Variants in EYA4 observed in about 807,000 individuals in gnomAD.
EYA4 encodes protein phosphatase EYA4.
In EYA4, 31 loss-of-function variants were observed where a neutral mutation model predicts 87.9. The observed-to-expected ratio is 0.35, with a 90% CI of 0.27 to 0.48. The LOEUF is 0.48. EYA4 is among the 20% of genes least tolerant of loss of function. EYA4 has a pLI of 0.99. For synonymous variants in EYA4, 263 were observed against 270.6 expected (o/e 0.97, Z 0.28); for missense variants, 678 against 761.4 (o/e 0.89, Z 1.29).
At chr6:133,311,583 TGC>T in intron 2 of EYA4, among the ~76,000 whole-genome samples, 1 of 152,254 alleles carries the variant, frequency 6.6e-6, no homozygotes, top group East Asian at 1.9e-4. Context: ...CCTCCCAAAA[TGC>T]TGAGATTACA....
chr6:133,406,588 G>A (rs1788730122), intron 3 of EYA4, among the ~76,000 whole-genome samples: 10 of 152,158 alleles, frequency 6.6e-5, no homozygotes, highest in Admixed American at 5.9e-4. Context: ...TTGTCATGAT[G>A]TTCAGTGCCT....
intron 3 of EYA4, among the ~76,000 whole-genome samples, chr6:133,403,683 G>A (rs528470751): frequency 3.3e-5 from 5 of 152,180 alleles, no homozygotes; most frequent in South Asian, 4.1e-4. Context: ...ACTCAAATCT[G>A]GATAAATCAT....
intron 2 of EYA4, among the ~76,000 whole-genome samples, chr6:133,324,876 A>G (rs995665675): frequency 3.3e-5 from 5 of 151,424 alleles, no homozygotes; most frequent in African/African-American, 1.2e-4. Context: ...GTTTTTCTTG[A>G]AAATTTATGG....
chr6:133,481,512 T>A lies in EYA4; in HGVS notation c.1020T>A (p.Asp340Glu), dbSNP rs769871791. ...CCTCCACACCCATCAAAGATCTTGA[T>A]GAGAGAACCTGTAGGAGTTCTGGGT... ...QSPSTPIKDL[D>E]ERTCRSSGSK... is the part of the protein sequence containing the mutation. Residue 340 changes from aspartate to glutamate, a missense_variant, in exon 12 of 20, where the codon GAT (aspartate) becomes GAA (glutamate). Coordinates refer to ENST00000355286, the MANE Select transcript of EYA4 (RefSeq NM_004100.5). 4 of 1,613,306 alleles carry A rather than the reference T, an allele frequency of 2.5e-6. No homozygotes were observed. In the Admixed American group the frequency reaches 5.0e-5, roughly 20 times the overall value.
chr6:133,483,723 TTATTA>T (rs1411485276), intron 13 of EYA4, among the ~76,000 whole-genome samples: 1 of 70,784 alleles, frequency 1.4e-5, no homozygotes, highest in Non-Finnish European at 4.7e-5. Context: ...ATTATTATTA[TTATTA>T]TTATTATTAT....
chr6:133,362,649 G>A (rs1245906795), intron 2 of EYA4, among the ~76,000 whole-genome samples: 3 of 152,142 alleles, frequency 2.0e-5, no homozygotes, highest in African/African-American at 7.2e-5. Context: ...CTAAGTCTAG[G>A]GGTTCCCAGA....
chr6:133,503,788 C>A (rs1798346052), intron 13 of EYA4, among the ~76,000 whole-genome samples: 1 of 151,622 alleles, frequency 6.6e-6, no homozygotes. Context: ...ATTTACACAA[C>A]CTTTAGAGAT....
rs766872116 is a variant in EYA4 at position 133,483,048 on chromosome 6, A to T, written c.1124A>T (p.Asp375Val). Residue 375 changes from aspartate (D) to valine (V), a missense_variant, in exon 13 of 20, where the codon GAT becomes GTT. By Grantham distance (152) the Asp-to-Val change is radical. Coordinates refer to ENST00000355286, the MANE Select transcript of EYA4 (RefSeq NM_004100.5). Reference sequence around the variant, plus strand: ...TGTCTTCAGCGTGTGTTTGTCTGGGATTTGGATGAAACCATCATTGTTTTT... The same window carrying T: ...TGTCTTCAGCGTGTGTTTGTCTGGGTTTTGGATGAAACCATCATTGTTTTT... ...DSDLERVFVW[D>V]LDETIIVFHS... The T allele has an allele frequency of 6.2e-7, 1 of 1,613,116 alleles. No homozygotes were observed. The highest frequency in any genetic ancestry group is 8.5e-7 in the Non-Finnish European group (1 of 1,179,508).
intron 17 of EYA4, among the ~76,000 whole-genome samples, chr6:133,522,217 C>T (rs1216758828): frequency 7.2e-6 from 1 of 139,138 alleles, no homozygotes; most frequent in African/African-American, 2.6e-5. Context: ...TACATGTGCA[C>T]AACGTGCAGG....
intron 2 of EYA4, among the ~76,000 whole-genome samples, chr6:133,282,504 A>G (rs1054753364): frequency 2.0e-5 from 3 of 152,184 alleles, no homozygotes; most frequent in South Asian, 4.1e-4. Flanking sequence ...ATTAATTATT[A>G]TCTTCTATGA....
At chr6:133,372,790 A>G (rs1266294756) in intron 2 of EYA4, among the ~76,000 whole-genome samples, 1 of 151,644 alleles carries the variant, frequency 6.6e-6, no homozygotes, top group African/African-American at 2.4e-5. Flanking sequence ...ATATATAGAG[A>G]TATATGTTGT....
chr6:133,412,053 G>T (rs1789288273), intron 3 of EYA4, among the ~76,000 whole-genome samples: 1 of 152,114 alleles, frequency 6.6e-6, no homozygotes, highest in Non-Finnish European at 1.5e-5. Context: ...CATTTAAATG[G>T]ATATTTTAAA....
chr6:133,345,758 A>G (rs1006689231), intron 2 of EYA4, among the ~76,000 whole-genome samples: 2 of 152,228 alleles, frequency 1.3e-5, no homozygotes, highest in Non-Finnish European at 2.9e-5. Context: ...AGAAAGGGGT[A>G]AAGTAATAAA....
intron 3 of EYA4, among the ~76,000 whole-genome samples, chr6:133,386,801 A>C (rs1393348133): frequency 6.6e-6 from 1 of 152,190 alleles, no homozygotes; most frequent in Non-Finnish European, 1.5e-5. Flanking sequence ...TCTAAGGAGA[A>C]TCTTAAAATA....
At chr6:133,488,014 G>C (rs1350856572) in intron 13 of EYA4, among the ~76,000 whole-genome samples, 1 of 152,156 alleles carries the variant, frequency 6.6e-6, no homozygotes, top group African/African-American at 2.4e-5. Flanking sequence ...TGCCCTGAAG[G>C]GAGAGCCCTA....
chr6:133,259,040 C>A (rs1775579067), intron 1 of EYA4, among the ~76,000 whole-genome samples: 1 of 152,078 alleles, frequency 6.6e-6, no homozygotes, highest in Admixed American at 6.6e-5. Context: ...TAATGTTGAT[C>A]TATATTAATA....
chr6:133,431,106 G>C (rs1791142050), intron 3 of EYA4, among the ~76,000 whole-genome samples: 1 of 152,152 alleles, frequency 6.6e-6, no homozygotes, highest in Non-Finnish European at 1.5e-5. Flanking sequence ...CAGCAGGTTA[G>C]ACTGGGGAGA....
At chr6:133,306,149 A>G (rs181339372) in intron 2 of EYA4, among the ~76,000 whole-genome samples, 109 of 152,324 alleles carry the variant, frequency 7.2e-4, no homozygotes, top group African/African-American at 2.5e-3. Context: ...TTCATATTGC[A>G]TGATGATTAG....
Position 133,456,584 on chromosome 6 carries a change from C to T in EYA4, c.306C>T (p.Pro102=). ...CTCTTCTTGCAGTCAAAACAGAGCC[C>T]TTGAACAGCAGTGAAACCACAGCCA... ...TMSLLAVKTE[P]LNSSETTATT... Residue 102 remains proline (P), a synonymous_variant, in exon 6 of 20, where the codon CCC becomes CCT. Coordinates refer to ENST00000355286, the MANE Select transcript of EYA4 (RefSeq NM_004100.5). 1 of 1,613,364 alleles carries T rather than the reference C, an allele frequency of 6.2e-7. No individual in the cohort carries two copies. Among genetic ancestry groups the T allele is most frequent in the Non-Finnish European group, 8.5e-7 (1 of 1,179,394 alleles).
Sources: gnomAD v4.1 joint callset for allele counts (sites outside exome capture counted in the v4.1 genomes callset) on GRCh38, gnomAD v4.1.1 for gene constraint, MANE v1.5 for transcripts, NCBI Gene and HGNC (gene_info 2026-07-23, HGNC 2026-07-21) for gene names.